Variants in PPP1R13B observed in about 807,000 individuals in gnomAD.
PPP1R13B encodes the protein protein phosphatase 1 regulatory subunit 13B, also known as apoptosis-stimulating of p53 protein 1.
A neutral mutation model predicts 119.8 loss-of-function variants in PPP1R13B; 44 were observed. That is an observed-to-expected ratio of 0.37 (90% CI 0.29 to 0.47). PPP1R13B has a LOEUF of 0.47. Ranked by LOEUF, PPP1R13B falls within the 20% of genes least tolerant of loss-of-function variation. PPP1R13B has a pLI of 0.99. For synonymous variants in PPP1R13B, 542 were observed against 561.5 expected (o/e 0.97, Z 0.49); for missense variants, 1,227 against 1,413.5 (o/e 0.87, Z 2.12).
At chr14:103,809,813 ACT>A (rs2086103955) in intron 1 of PPP1R13B, among the ~76,000 whole-genome samples, 1 of 144,868 alleles carries the variant, frequency 6.9e-6, no homozygotes, top group Admixed American at 6.8e-5. Flanking sequence ...ACAAAGTGAA[ACT>A]CTTGTCTCAA....
At chr14:103,746,656 TG>T in intron 8 of PPP1R13B, 103 bp from the exon 9 acceptor site, 1 of 1,104,092 alleles carries the variant, frequency 9.1e-7, no homozygotes. Flanking sequence ...ACTCACTCAG[TG>T]GTTGGTTTTT....
chr14:103,832,737 G>A (rs538290820), intron 1 of PPP1R13B, among the ~76,000 whole-genome samples: 2 of 152,130 alleles, frequency 1.3e-5, no homozygotes, highest in Admixed American at 6.6e-5. Flanking sequence ...GAGGCCAAGG[G>A]GGGGCGGGGT....
intron 4 of PPP1R13B, among the ~76,000 whole-genome samples, chr14:103,773,481 C>T (rs917117624): frequency 7.2e-5 from 11 of 152,108 alleles, no homozygotes; most frequent in Non-Finnish European, 1.5e-4. Context: ...CATTAAATCC[C>T]AAAACTCCAC....
intron 1 of PPP1R13B, among the ~76,000 whole-genome samples, chr14:103,803,176 T>A (rs1425056283): frequency 6.6e-6 from 1 of 152,188 alleles, no homozygotes; most frequent in Admixed American, 6.5e-5. Context: ...TTTAATAACA[T>A]CTTTGAAATC....
chr14:103,805,472 T>C (rs140754809), intron 1 of PPP1R13B, among the ~76,000 whole-genome samples: 1 of 151,872 alleles, frequency 6.6e-6, no homozygotes, highest in Non-Finnish European at 1.5e-5. Context: ...TCAGGAAGCC[T>C]AGGTGTGAGG....
intron 1 of PPP1R13B, among the ~76,000 whole-genome samples, chr14:103,798,464 T>C (rs1425523277): frequency 6.6e-6 from 1 of 151,926 alleles, no homozygotes; most frequent in African/African-American, 2.4e-5. Flanking sequence ...GAATCTCTTA[T>C]AATCCAGAAA....
At position 103,830,686 on chromosome 14, in the gene PPP1R13B, A is replaced by T. The variant is rs553428289; in HGVS notation, c.9+16613T>A. On this transcript the variant is annotated intron_variant, in intron 1 of 16. Coordinates refer to ENST00000202556, the MANE Select transcript of PPP1R13B (RefSeq NM_015316.3). Reference sequence around the variant, plus strand: ...CCCCAGCCATCTATAATCCTTAAGGAATTAATTCTTATGAATGGCAGCATT... The same window carrying T: ...CCCCAGCCATCTATAATCCTTAAGGTATTAATTCTTATGAATGGCAGCATT... Among the ~76,000 whole-genome samples, 18 of 152,308 alleles carry T rather than the reference A, an allele frequency of 1.2e-4. No homozygotes were observed. In the South Asian group the frequency reaches 3.3e-3, roughly 28 times the overall value.
intron 1 of PPP1R13B, among the ~76,000 whole-genome samples, chr14:103,846,411 C>T (rs969401374): frequency 6.6e-6 from 1 of 152,074 alleles, no homozygotes; most frequent in African/African-American, 2.4e-5. Context: ...TGATTTTCAA[C>T]GTAGTATTGT....
At chr14:103,802,622 A>G (rs2085926567) in intron 1 of PPP1R13B, among the ~76,000 whole-genome samples, 1 of 152,190 alleles carries the variant, frequency 6.6e-6, no homozygotes, top group Non-Finnish European at 1.5e-5. Context: ...TTAGGCACTC[A>G]CAGAGGCACA....
rs773911225 is a variant in PPP1R13B at position 103,738,758 on chromosome 14, C to T, written c.2785G>A (p.Val929Ile). The T allele has an allele frequency of 1.4e-5, 23 of 1,614,114 alleles. No individual in the cohort carries two copies. The highest frequency in any genetic ancestry group is 2.2e-5 in the East Asian group (1 of 44,890). The stretch of plus-strand genomic sequence containing the variant: ...ACGATGTGATGGTGGCCGGCGCAGA[C>T]GGCGTTGTGCAGTGGGGTGATCCCT... ...DEGITPLHNA[V>I]CAGHHHIVKF... Residue 929 changes from valine (V) to isoleucine (I), a missense_variant, in exon 14 of 17, where the codon GTC (valine) becomes ATC (isoleucine). By Grantham distance (29) the Val-to-Ile change is conservative. Coordinates refer to ENST00000202556, the MANE Select transcript of PPP1R13B (RefSeq NM_015316.3). This position sits in a 1 kb window ranked among gnomAD's most constrained non-coding sequence, Gnocchi z 5.6.
chr14:103,772,453 A>T (rs1170153167), intron 4 of PPP1R13B, among the ~76,000 whole-genome samples: 1 of 152,220 alleles, frequency 6.6e-6, no homozygotes, highest in Admixed American at 6.5e-5. Context: ...TCCCACAAGC[A>T]ATACATAAGA....
At chr14:103,810,258 C>T (rs1326275048) in intron 1 of PPP1R13B, among the ~76,000 whole-genome samples, 1 of 150,808 alleles carries the variant, frequency 6.6e-6, no homozygotes, top group Non-Finnish European at 1.5e-5. Context: ...CCCATCTCTA[C>T]CAAAAATACA....
chr14:103,847,694 G>A, upstream of PPP1R13B: 1 of 893,978 alleles, frequency 1.1e-6, no homozygotes, highest in Non-Finnish European at 1.3e-6. Flanking sequence ...CGGGGAGAGG[G>A]GCGGGGCTTC....
intron 4 of PPP1R13B, among the ~76,000 whole-genome samples, chr14:103,760,191 C>T (rs1396167365): frequency 6.6e-6 from 1 of 152,180 alleles, no homozygotes; most frequent in Admixed American, 6.5e-5. Context: ...AAAAAAGAAG[C>T]ACTTTTTCCA....
At chr14:103,789,538 A>T (rs1281390020) in intron 2 of PPP1R13B, among the ~76,000 whole-genome samples, 4 of 150,190 alleles carry the variant, frequency 2.7e-5, no homozygotes, top group African/African-American at 2.5e-5. Flanking sequence ...TTTGAGATGG[A>T]GTCTTACTGT....
intron 1 of PPP1R13B, among the ~76,000 whole-genome samples, chr14:103,839,455 C>T (rs2152085877): frequency 6.6e-6 from 1 of 151,900 alleles, no homozygotes; most frequent in East Asian, 2.0e-4. Context: ...TGGAGAAACC[C>T]CATCTCCACT....
rs772893594 is a variant in PPP1R13B, at chr14:103,819,387, C to G, written c.10-21869G>C. ...TGGTGCAGGCCTGTAGTCCCAGCTACTTGGGAGGCTGAGGTGGTAGGATCC... is the reference window on the plus strand; with the variant it reads ...TGGTGCAGGCCTGTAGTCCCAGCTAGTTGGGAGGCTGAGGTGGTAGGATCC... On this transcript the variant is annotated intron_variant, in intron 1 of 16. Coordinates refer to ENST00000202556, the MANE Select transcript of PPP1R13B (RefSeq NM_015316.3). Among the ~76,000 whole-genome samples, 8 of 151,778 alleles carry G rather than the reference C, an allele frequency of 5.3e-5. No homozygotes were observed. The South Asian group carries it at 8.3e-4, about 16-fold the overall frequency.
intron 3 of PPP1R13B, among the ~76,000 whole-genome samples, chr14:103,779,902 C>T (rs2085298133): frequency 6.6e-6 from 1 of 151,942 alleles, no homozygotes. Flanking sequence ...GTAATCCCAG[C>T]ACTTTGGAAG....
chr14:103,817,233 A>C (rs963141167), intron 1 of PPP1R13B, among the ~76,000 whole-genome samples: 3 of 152,164 alleles, frequency 2.0e-5, no homozygotes, highest in Admixed American at 2.0e-4. Flanking sequence ...ATGAAACAAG[A>C]CAGACCACCG....
Sources: allele counts gnomAD v4.1 joint callset (sites outside exome capture counted in the v4.1 genomes callset), GRCh38; gene constraint gnomAD v4.1.1; non-coding constraint Gnocchi (gnomAD v3.1); transcripts MANE v1.5; gene names NCBI Gene and HGNC (gene_info 2026-07-23, HGNC 2026-07-21).